The following RPS6KC1 variants were observed in gnomAD, a reference collection of about 807,000 sequenced individuals.
RPS6KC1 encodes inactive ribosomal protein S6 kinase delta-1.
A neutral mutation model predicts 103.8 loss-of-function variants in RPS6KC1; 54 were observed. The observed-to-expected ratio is 0.52, with a 90% CI of 0.42 to 0.65. The LOEUF is 0.65. Ranked by LOEUF, RPS6KC1 falls within the 30% of genes least tolerant of loss-of-function variation. The pLI is 0.00. For synonymous variants in RPS6KC1, 439 were observed against 438.7 expected, an observed-to-expected ratio of 1.00 and a Z score of -0.01; for missense variants, 1,151 against 1,253.8, an observed-to-expected ratio of 0.92 and a Z score of 1.24.
chr1:213,374,629 G>C, the RPS6KC1 span, among the ~76,000 whole-genome samples: 1 of 152,212 alleles, frequency 6.6e-6, no homozygotes, highest in African/African-American at 2.4e-5. Context: ...CAATGACTTT[G>C]AGAAGCAAGG....
the RPS6KC1 span, among the ~76,000 whole-genome samples, chr1:213,769,572 C>G: frequency 1.3e-5 from 2 of 151,522 alleles, no homozygotes; most frequent in African/African-American, 4.9e-5. Flanking sequence ...GAGGCAGAAT[C>G]TAATGGTCCT....
At chr1:213,384,275 C>CA in the RPS6KC1 span, among the ~76,000 whole-genome samples, 171 of 144,992 alleles carry the variant, frequency 1.2e-3, 1 homozygote, top group South Asian at 0.011. Flanking sequence ...GACTCCATCT[C>CA]AAAAAAAAAT....
chr1:213,345,172 A>G, the RPS6KC1 span, among the ~76,000 whole-genome samples: 1 of 152,216 alleles, frequency 6.6e-6, no homozygotes, highest in Admixed American at 6.5e-5. Context: ...TTATTGAAAT[A>G]TAATCTACAT....
the RPS6KC1 span, among the ~76,000 whole-genome samples, chr1:213,501,889 A>G: frequency 2.0e-5 from 3 of 152,208 alleles, no homozygotes; most frequent in Non-Finnish European, 4.4e-5. Flanking sequence ...GTCTCAAGCA[A>G]CATGCAATCT....
At chr1:213,676,085 C>T in the RPS6KC1 span, among the ~76,000 whole-genome samples, 7 of 152,284 alleles carry the variant, frequency 4.6e-5, no homozygotes, top group South Asian at 1.5e-3. Context: ...CATGCAGTTC[C>T]CTGAGAAGAA....
chr1:213,333,565 A>G, the RPS6KC1 span, among the ~76,000 whole-genome samples: 1 of 152,094 alleles, frequency 6.6e-6, no homozygotes, highest in Non-Finnish European at 1.5e-5. Flanking sequence ...TAGCCAGGGG[A>G]CTGTTCCTAA....
chr1:213,484,597 C>T, the RPS6KC1 span, among the ~76,000 whole-genome samples: 1 of 152,222 alleles, frequency 6.6e-6, no homozygotes, highest in Admixed American at 6.5e-5. Context: ...ACGTTATACT[C>T]TATTCACTAG....
At chr1:213,467,855 C>T in the RPS6KC1 span, among the ~76,000 whole-genome samples, 1 of 152,178 alleles carries the variant, frequency 6.6e-6, no homozygotes, top group South Asian at 2.1e-4. Flanking sequence ...GTGTTCATTT[C>T]CCCACAGATT....
intron 3 of RPS6KC1, among the ~76,000 whole-genome samples, chr1:213,088,612 C>T (rs1452417189): frequency 6.6e-6 from 1 of 152,152 alleles, no homozygotes; most frequent in Admixed American, 6.5e-5. Flanking sequence ...TCCGCCTCAG[C>T]CTCCCAAAGT....
chr1:213,267,317 G>T (rs946957866), intron 14 of RPS6KC1, among the ~76,000 whole-genome samples: 1 of 151,732 alleles, frequency 6.6e-6, no homozygotes, highest in African/African-American at 2.4e-5. Context: ...GTGGAAAGTT[G>T]TCAGCAGCTG....
At chr1:213,578,703 T>A in the RPS6KC1 span, among the ~76,000 whole-genome samples, 1 of 151,580 alleles carries the variant, frequency 6.6e-6, no homozygotes, top group African/African-American at 2.4e-5. Context: ...TTTCTCCCAT[T>A]TGGATTGGGT....
chr1:213,146,277 C>CT (rs375650735), intron 6 of RPS6KC1, among the ~76,000 whole-genome samples: 1,589 of 151,878 alleles, frequency 0.01, 33 homozygotes, highest in African/African-American at 0.036. Context: ...CATTTTTTCT[C>CT]TATCTGTTCA....
At chr1:213,445,867 C>G in the RPS6KC1 span, among the ~76,000 whole-genome samples, 4 of 152,154 alleles carry the variant, frequency 2.6e-5, no homozygotes, top group Non-Finnish European at 5.9e-5. Flanking sequence ...AAAGCCGTCT[C>G]AAGGCTTTCC....
At chr1:213,576,034 T>C in the RPS6KC1 span, among the ~76,000 whole-genome samples, 1 of 151,960 alleles carries the variant, frequency 6.6e-6, no homozygotes, top group Non-Finnish European at 1.5e-5. Context: ...TTCCAGAAGC[T>C]CTGGAATGGT....
the RPS6KC1 span, among the ~76,000 whole-genome samples, chr1:213,589,904 T>A: frequency 2.2e-5 from 2 of 92,378 alleles, no homozygotes; most frequent in East Asian, 6.2e-4. Context: ...TTTGTGGGCA[T>A]GTGTTTTGCC....
At chr1:213,123,439 T>G (rs1384079920) in intron 5 of RPS6KC1, among the ~76,000 whole-genome samples, 5 of 151,946 alleles carry the variant, frequency 3.3e-5, no homozygotes. Flanking sequence ...CGAGGTATTC[T>G]GAGGCTCTTT....
At chr1:213,084,088 C>G (rs973846089) in intron 3 of RPS6KC1, among the ~76,000 whole-genome samples, 1 of 151,892 alleles carries the variant, frequency 6.6e-6, no homozygotes, top group Non-Finnish European at 1.5e-5. Flanking sequence ...AGCTTTTATC[C>G]CATTTACTTT....
the RPS6KC1 span, among the ~76,000 whole-genome samples, chr1:213,541,921 C>G: frequency 6.6e-6 from 1 of 152,116 alleles, no homozygotes; most frequent in African/African-American, 2.4e-5. Flanking sequence ...AGTTTTGGGG[C>G]CAAAGCTTCG....
chr1:213,799,632 T>C, the RPS6KC1 span, among the ~76,000 whole-genome samples: 1 of 152,236 alleles, frequency 6.6e-6, no homozygotes, highest in South Asian at 2.1e-4. Flanking sequence ...AAATGACTCA[T>C]GGGCCCATTC....
Sources: gnomAD v4.1 joint callset for allele counts (sites outside exome capture counted in the v4.1 genomes callset) on GRCh38, gnomAD v4.1.1 for gene constraint, MANE v1.5 for transcripts, NCBI Gene and HGNC (gene_info 2026-07-23, HGNC 2026-07-21) for gene names.